Variants in CADPS2 observed in about 807,000 individuals in gnomAD.
CADPS2 encodes the protein calcium-dependent secretion activator 2.
CADPS2 carries 93 observed loss-of-function variants against 172.5 expected under a neutral mutation model. The observed-to-expected ratio is 0.54, with a 90% CI of 0.46 to 0.64. The LOEUF (loss-of-function observed/expected upper bound fraction) is 0.64. Ranked by LOEUF, CADPS2 falls within the 30% of genes least tolerant of loss-of-function variation. The pLI is 0.00. For missense variants in CADPS2, 1,420 were observed against 1,565.9 expected (o/e 0.91, Z 1.57); for synonymous variants, 546 against 555.2 (o/e 0.98, Z 0.23).
intron 2 of CADPS2, among the ~76,000 whole-genome samples, chr7:122,675,581 G>A (rs1316549823): frequency 6.6e-6 from 1 of 152,114 alleles, no homozygotes; most frequent in Non-Finnish European, 1.5e-5. Context: ...ACATATGTGT[G>A]CATATGTCTG....
chr7:122,865,551 G>A (rs1156982902), intron 1 of CADPS2, among the ~76,000 whole-genome samples: 1 of 152,128 alleles, frequency 6.6e-6, no homozygotes, highest in Non-Finnish European at 1.5e-5. Context: ...GCAGTCTCTG[G>A]CTTGTATCTG....
intron 27 of CADPS2, among the ~76,000 whole-genome samples, chr7:122,351,372 C>CAAAAAGAAAAAA (rs2038584487): frequency 3.5e-5 from 1 of 28,918 alleles, no homozygotes; most frequent in African/African-American, 1.5e-4. Flanking sequence ...GACTCCGTCT[C>CAAAAAGAAAAAA]AAAAAAAAAA....
At chr7:122,659,320 A>AAAC (rs2080233777) in intron 3 of CADPS2, among the ~76,000 whole-genome samples, 1 of 151,524 alleles carries the variant, frequency 6.6e-6, no homozygotes, top group African/African-American at 2.4e-5. Context: ...TAAAAAAAAA[A>AAAC]AAAAAACACC....
At chr7:122,494,444 G>T (rs929155910) in intron 9 of CADPS2, among the ~76,000 whole-genome samples, 6 of 151,992 alleles carry the variant, frequency 3.9e-5, no homozygotes, top group African/African-American at 1.2e-4. Flanking sequence ...AGACGTGACA[G>T]ATTTTTTTCT....
At chr7:122,481,181 T>C (rs1443020769) in intron 11 of CADPS2, among the ~76,000 whole-genome samples, 1 of 148,676 alleles carries the variant, frequency 6.7e-6, no homozygotes, top group Non-Finnish European at 1.5e-5. Flanking sequence ...TTTTTTTTTT[T>C]TTTTGACGGA....
chr7:122,801,778 ATT>A (rs34202731), intron 1 of CADPS2, among the ~76,000 whole-genome samples: 5 of 149,928 alleles, frequency 3.3e-5, no homozygotes, highest in Non-Finnish European at 7.4e-5. Context: ...ATTTTTATTT[ATT>A]TTTTTTTTCT....
chr7:122,539,313 T>C (rs1382577520), intron 8 of CADPS2, among the ~76,000 whole-genome samples: 1 of 152,110 alleles, frequency 6.6e-6, no homozygotes, highest in East Asian at 1.9e-4. Flanking sequence ...TTTCACCATA[T>C]TTTAATACAG....
intron 8 of CADPS2, among the ~76,000 whole-genome samples, chr7:122,521,380 T>C (rs2060779452): frequency 6.6e-6 from 1 of 151,416 alleles, no homozygotes; most frequent in African/African-American, 2.4e-5. Context: ...CTTTCAGTCA[T>C]CCCTACAAGT....
At chr7:122,322,600 G>A (rs996391056) in intron 29 of CADPS2, among the ~76,000 whole-genome samples, 3 of 152,216 alleles carry the variant, frequency 2.0e-5, no homozygotes, top group African/African-American at 7.2e-5. Flanking sequence ...TTAATGTCAT[G>A]TGGCCACTAT....
intron 27 of CADPS2, among the ~76,000 whole-genome samples, chr7:122,359,351 T>C (rs551689835): frequency 6.6e-6 from 1 of 152,096 alleles, no homozygotes; most frequent in Admixed American, 6.6e-5. Context: ...ACTGAAATAA[T>C]TAAACAGCAC....
At chr7:122,532,606 C>T (rs1361398968) in intron 8 of CADPS2, among the ~76,000 whole-genome samples, 1 of 132,914 alleles carries the variant, frequency 7.5e-6, no homozygotes, top group Non-Finnish European at 1.6e-5. Flanking sequence ...TGAGAATTTG[C>T]ATGTTCAAGT....
chr7:122,801,364 T>C (rs956913984), intron 1 of CADPS2, among the ~76,000 whole-genome samples: 8 of 152,168 alleles, frequency 5.3e-5, no homozygotes, highest in African/African-American at 1.7e-4. Context: ...TAAAGAAATC[T>C]GTTACATTAA....
At chr7:122,743,665 TTACTC>T (rs1012172636) in intron 1 of CADPS2, among the ~76,000 whole-genome samples, 2 of 152,162 alleles carry the variant, frequency 1.3e-5, no homozygotes, top group South Asian at 2.1e-4. Context: ...GTAAAAGTCT[TTACTC>T]TAGGCACAGA....
chr7:122,621,102 A>G (rs1296062922), intron 5 of CADPS2, among the ~76,000 whole-genome samples: 1 of 151,762 alleles, frequency 6.6e-6, no homozygotes, highest in African/African-American at 2.4e-5. Context: ...GGGTCTCACT[A>G]TGTTGCCTAG....
intron 1 of CADPS2, among the ~76,000 whole-genome samples, chr7:122,801,104 G>A (rs1409643345): frequency 6.6e-6 from 1 of 151,940 alleles, no homozygotes; most frequent in Non-Finnish European, 1.5e-5. Context: ...TAAAAACTGG[G>A]CAAAGAAAGC....
At chr7:122,656,381 G>T (rs2430042) in intron 3 of CADPS2, among the ~76,000 whole-genome samples, 8 of 151,930 alleles carry the variant, frequency 5.3e-5, no homozygotes, top group Non-Finnish European at 7.4e-5. Context: ...TGGAAGAAGA[G>T]AATACCACCC....
intron 1 of CADPS2, among the ~76,000 whole-genome samples, chr7:122,820,503 C>A (rs1446978789): frequency 6.8e-6 from 1 of 148,070 alleles, no homozygotes; most frequent in African/African-American, 2.5e-5. Flanking sequence ...GCCAGGACCA[C>A]ACCCTGTAGC....
chr7:122,423,857 G>A (rs559407612), intron 17 of CADPS2, among the ~76,000 whole-genome samples: 2 of 152,324 alleles, frequency 1.3e-5, no homozygotes, highest in Non-Finnish European at 2.9e-5. Flanking sequence ...TGATGCTGGT[G>A]TAGGGAATGC....
At chr7:122,569,724 G>A (rs1315430039) in intron 7 of CADPS2, among the ~76,000 whole-genome samples, 4 of 147,386 alleles carry the variant, frequency 2.7e-5, no homozygotes, top group South Asian at 2.2e-4. Context: ...CAGAAATAAC[G>A]CCACATACCT....
Sources: gnomAD v4.1 joint callset for allele counts (sites outside exome capture counted in the v4.1 genomes callset) on GRCh38, gnomAD v4.1.1 for gene constraint, MANE v1.5 for transcripts, NCBI Gene and HGNC (gene_info 2026-07-23, HGNC 2026-07-21) for gene names.